The following DLG4 variants were observed in gnomAD, a reference collection of about 807,000 sequenced individuals.
DLG4 encodes discs large MAGUK scaffold protein 4.
DLG4 carries 7 observed loss-of-function variants against 93.8 expected under a neutral mutation model. The ratio of observed to expected loss-of-function variants is 0.07; its 90% confidence interval spans 0.04 to 0.14. The LOEUF (loss-of-function observed/expected upper bound fraction) is 0.14, where lower values mean the gene tolerates loss of function less well. Among genes scored for constraint, DLG4 ranks in the 10% least tolerant of loss-of-function variants. The pLI is 1.00. For missense variants in DLG4, 545 were observed against 992.9 expected (o/e 0.55, Z 6.06); for synonymous variants, 341 against 387.6 (o/e 0.88, Z 1.41).
chr17:7,190,898 G>C (rs909724786), intron 19 of DLG4, 84 bp from the exon 20 acceptor site: 12 of 1,103,344 alleles, frequency 1.1e-5, no homozygotes, highest in African/African-American at 1.6e-5. Flanking sequence ...CCCAGAGGAA[G>C]GGGCACCTCT....
Position 7,193,206 on chromosome 17 carries a change from C to G in DLG4, c.1694-89G>C. ...TACTTCAATCAAATCCCCATAGTGC[C>G]CAGCTGGTCCTTTGGTGAAAGGGAG... On this transcript the variant is annotated intron_variant, in intron 16 of 19. Coordinates refer to ENST00000399506, the MANE Select transcript of DLG4 (RefSeq NM_001321075.3). This position sits in a 1 kb window ranked among gnomAD's most constrained non-coding sequence, Gnocchi z 6.7. 6.5e-7 allele frequency: 1 copy of G among 1,545,106 alleles called. No homozygotes were observed. The highest frequency in any genetic ancestry group is 8.8e-7 in the Non-Finnish European group (1 of 1,134,744).
At chr17:7,219,794 C>T, upstream of DLG4, 1 of 1,511,448 alleles carries the variant, frequency 6.6e-7, no homozygotes, top group South Asian at 1.2e-5. Context: ...CTTGGAGATC[C>T]CTCTAAGTCA....
At chr17:7,202,772 AAGGATCAG>A in intron 8 of DLG4, 123 bp downstream of exon 8, 1 of 1,106,784 alleles carries the variant, frequency 9.0e-7, no homozygotes. Context: ...CAACAACAGC[AAGGATCAG>A]AGGTTGTGGC....
In DLG4 at chr17:7,217,508, G is replaced by A. The variant is rs1210954537; in HGVS notation, c.-361C>T. On this transcript the variant is annotated 5_prime_UTR_variant, in exon 1 of 20. Transcript: ENST00000399506. Reference sequence around the variant, plus strand: ...TGGATTTCGGGGAGCCCCGGGGTAGGGGGGGGTCTTGCCAAACGGCCAGGG... The same window carrying A: ...TGGATTTCGGGGAGCCCCGGGGTAGAGGGGGGTCTTGCCAAACGGCCAGGG... 1 of 244,750 alleles carries A rather than the reference G, an allele frequency of 4.1e-6. No individual in the cohort carries two copies. Among genetic ancestry groups the A allele is most frequent in the Middle Eastern group, 2.0e-3 (1 of 502 alleles). The allele number at this position is 244,750 out of a possible 1,614,324, so 15.2% of individuals were successfully genotyped here.
intron 8 of DLG4, chr17:7,202,620 T>C: frequency 3.8e-6 from 2 of 520,266 alleles, no homozygotes; most frequent in South Asian, 3.5e-5. Flanking sequence ...TCCTGTACTC[T>C]GGAAGAGCAG....
At chr17:7,210,611 G>A (rs1225293925) in intron 1 of DLG4, among the ~76,000 whole-genome samples, 1 of 152,180 alleles carries the variant, frequency 6.6e-6, no homozygotes, top group African/African-American at 2.4e-5. Flanking sequence ...ACAAGCTGAG[G>A]GGCAAGCCCC....
At chr17:7,216,941 CT>C in intron 1 of DLG4, among the ~76,000 whole-genome samples, 176 bp downstream of exon 1, 1 of 152,170 alleles carries the variant, frequency 6.6e-6, no homozygotes, top group Non-Finnish European at 1.5e-5. Context: ...CAGGGGGCAC[CT>C]GTGGCCAAAT....
chr17:7,203,836 A>C lies in DLG4; in HGVS notation c.211-20T>G. Reference sequence around the variant, plus strand: ...GTTACCCTGGGTGAAGGAGGGGAAGAGGGTCAGCTCCCCTCACTGCCCAAG... The same window carrying C: ...GTTACCCTGGGTGAAGGAGGGGAAGCGGGTCAGCTCCCCTCACTGCCCAAG... On this transcript the variant is annotated intron_variant, in intron 4 of 19. Coordinates refer to ENST00000399506, the MANE Select transcript of DLG4 (RefSeq NM_001321075.3). The surrounding 1 kb of genome is among the most constrained non-coding windows in gnomAD (Gnocchi z 7.2). 1 of 1,612,866 alleles carries C rather than the reference A, an allele frequency of 6.2e-7. No homozygotes were observed. Among genetic ancestry groups the C allele is most frequent in the Non-Finnish European group, 8.5e-7 (1 of 1,179,464 alleles).
At chr17:7,219,992 C>T (rs780877125), upstream of DLG4, 20 of 1,603,066 alleles carry the variant, frequency 1.2e-5, 2 homozygotes, top group South Asian at 2.1e-4. Context: ...GAGATGCAGG[C>T]GGCTCGGATG....
intron 8 of DLG4, 150 bp from the exon 9 acceptor site, chr17:7,197,202 G>T (rs1449146537): frequency 2.7e-6 from 2 of 740,774 alleles, no homozygotes; most frequent in African/African-American, 1.8e-5. Context: ...GGGGATATCA[G>T]ATCACAGTGA....
At chr17:7,214,738 G>A (rs1301720139) in intron 1 of DLG4, among the ~76,000 whole-genome samples, 1 of 152,226 alleles carries the variant, frequency 6.6e-6, no homozygotes. Flanking sequence ...GGCGGCAGCA[G>A]CGCGGGGAAA....
chr17:7,189,165 C>T lies in DLG4; in HGVS notation c.*1543G>A, dbSNP rs2069374151. ...CGCATAAAGAAACCTAGCGTATATT[C>T]ACACAGCAGTTCTTATCAGCAGAAC... On this transcript the variant is annotated 3_prime_UTR_variant, in exon 20 of 20. Transcript: ENST00000399506. Among the ~76,000 whole-genome samples, 1 of 149,054 alleles carries T rather than the reference C, an allele frequency of 6.7e-6. No homozygotes were observed. Among genetic ancestry groups the T allele is most frequent in the African/African-American group, 2.5e-5 (1 of 40,396 alleles).
Position 7,189,529 on chromosome 17 carries a change from C to A in DLG4, c.*1179G>T, listed in dbSNP as rs2069387492. Among the ~76,000 whole-genome samples, 2 of 152,082 alleles carry A rather than the reference C, an allele frequency of 1.3e-5. No homozygotes were observed. The highest frequency in any genetic ancestry group is 1.3e-4 in the Admixed American group (2 of 15,258). On this transcript the variant is annotated 3_prime_UTR_variant, in exon 20 of 20. Transcript: ENST00000399506. ...AAAACAAAAAAAATCATTTCCAGAT[C>A]CTAGCTCTGTCCACAACTCCATGAA...
At chr17:7,214,346 C>A (rs1251514414) in intron 1 of DLG4, among the ~76,000 whole-genome samples, 1 of 152,168 alleles carries the variant, frequency 6.6e-6, no homozygotes, top group African/African-American at 2.4e-5. Flanking sequence ...TAACCCAGCC[C>A]CAAGGTTCCT....
chr17:7,207,625 G>A (rs1020227626), intron 2 of DLG4, among the ~76,000 whole-genome samples: 1 of 151,962 alleles, frequency 6.6e-6, no homozygotes, highest in Non-Finnish European at 1.5e-5. Context: ...GAGGTTGGGG[G>A]TGTGAAGGAA....
At position 7,193,382 on chromosome 17, in the gene DLG4, C is replaced by T. The variant is rs979109332; in HGVS notation, c.1693+101G>A. The T allele has an allele frequency of 8.3e-7, 1 of 1,210,456 alleles. No homozygotes were observed. The highest frequency in any genetic ancestry group is 1.1e-6 in the Non-Finnish European group (1 of 889,490). 75.0% of individuals were successfully genotyped at this position (1,210,456 alleles called of 1,614,324 possible). ...CGGAGAAACCCTGTATCTCCCTACACACCGATCCCCCAGGAGGCTCTGCCT... is the reference window on the plus strand; with the variant it reads ...CGGAGAAACCCTGTATCTCCCTACATACCGATCCCCCAGGAGGCTCTGCCT... On this transcript the variant is annotated intron_variant, in intron 16 of 19. Transcript: ENST00000399506. This position sits in a 1 kb window ranked among gnomAD's most constrained non-coding sequence, Gnocchi z 6.7.
At chr17:7,219,838 G>T, upstream of DLG4, 1 of 1,537,818 alleles carries the variant, frequency 6.5e-7, no homozygotes. Context: ...GGGAACTACA[G>T]CTCCCAGCAT....
At position 7,193,518 on chromosome 17, in the gene DLG4, G is replaced by T; in HGVS notation, c.1658C>A (p.Ser553Tyr). The T allele has an allele frequency of 6.5e-7, 1 of 1,538,758 alleles. No homozygotes were observed. The highest frequency in any genetic ancestry group is 8.7e-7 in the Non-Finnish European group (1 of 1,149,562). ...GGATCCAAACTTGTCGGGGAACTCG[G>T]AGAGAAGATCATCGTTGGCGCGGTC... The part of the protein sequence containing the change: ...TKDRANDDLL[S>Y]EFPDKFGSCV... The change falls in exon 16 of 20, where the codon TCC becomes TAC. Residue 553 changes from serine to tyrosine, a missense_variant. Physicochemically the swap from Ser to Tyr is moderately radical, Grantham distance 144 (BLOSUM62 -2). Coordinates refer to ENST00000399506, the MANE Select transcript of DLG4 (RefSeq NM_001321075.3). The surrounding 1 kb of genome is among the most constrained non-coding windows in gnomAD (Gnocchi z 6.7).
Position 7,193,175 on chromosome 17 carries a change from C to T in DLG4, c.1694-58G>A, listed in dbSNP as rs2069591700. On this transcript the variant is annotated intron_variant, in intron 16 of 19. Transcript: ENST00000399506. The surrounding 1 kb of genome is among the most constrained non-coding windows in gnomAD (Gnocchi z 6.7). Reference sequence around the variant, plus strand: ...TAACCACCATCCCTCTAGCTTAAATCCTGCCTACTTCAATCAAATCCCCAT... The same window carrying T: ...TAACCACCATCCCTCTAGCTTAAATTCTGCCTACTTCAATCAAATCCCCAT... The T allele has an allele frequency of 3.8e-6, 6 of 1,598,930 alleles. No homozygotes were observed. The highest frequency in any genetic ancestry group is 1.7e-4 in the Middle Eastern group (1 of 5,984).
Sources: gnomAD v4.1 joint callset for allele counts (sites outside exome capture counted in the v4.1 genomes callset) on GRCh38, gnomAD v4.1.1 for gene constraint, Gnocchi (gnomAD v3.1) non-coding constraint, MANE v1.5 for transcripts, NCBI Gene and HGNC (gene_info 2026-07-23, HGNC 2026-07-21) for gene names.